FBXO38: variants seen among roughly 807,000 people sequenced by gnomAD.
The protein encoded by FBXO38 is F-box only protein 38.
Under a neutral mutation model 131.9 loss-of-function variants are expected in FBXO38, and 53 were observed. The ratio of observed to expected loss-of-function variants is 0.40; its 90% confidence interval spans 0.32 to 0.51. The LOEUF is 0.51. Among genes scored for constraint, FBXO38 ranks in the 20% least tolerant of loss-of-function variants. The pLI, the probability that FBXO38 is intolerant of heterozygous loss-of-function variation, is 0.53. For missense variants in FBXO38, 1,076 were observed against 1,475.6 expected (o/e 0.73, Z 4.44); for synonymous variants, 452 against 505.6 (o/e 0.89, Z 1.42).
chr5:148,396,277 C>G (rs1230595644), intron 2 of FBXO38, among the ~76,000 whole-genome samples: 1 of 152,012 alleles, frequency 6.6e-6, no homozygotes, highest in Non-Finnish European at 1.5e-5. Flanking sequence ...AAGAGTCTTG[C>G]AACTACCAGA....
In FBXO38 at chr5:148,417,133, C is replaced by A; in HGVS notation, c.1547C>A (p.Pro516Gln). Residue 516 changes from proline to glutamine, a missense_variant, in exon 12 of 22, where the codon CCA becomes CAA. Around this residue, in one of 8 missense-constraint regions of FBXO38, gnomAD observed 212 missense variants for 221.2 expected, o/e 0.96. Coordinates refer to ENST00000340253, the MANE Select transcript of FBXO38 (RefSeq NM_205836.3). ...ATCCACGACAACAATCACCATCATC[C>A]AGATGACTCAGACGAGGAGAATGAC... ...ANIHDNNHHH[P>Q]DDSDEENDFR... The A allele has an allele frequency of 6.2e-7, 1 of 1,613,734 alleles. No homozygotes were observed. Among genetic ancestry groups the A allele is most frequent in the Non-Finnish European group, 8.5e-7 (1 of 1,179,732 alleles).
chr5:148,419,368 T>C (rs1027726629), intron 12 of FBXO38, among the ~76,000 whole-genome samples: 2 of 152,010 alleles, frequency 1.3e-5, no homozygotes, highest in Non-Finnish European at 2.9e-5. Flanking sequence ...CACACACATA[T>C]AAGTTAGATT....
intron 20 of FBXO38, among the ~76,000 whole-genome samples, chr5:148,440,819 G>A (rs1754638261): frequency 6.6e-6 from 1 of 152,162 alleles, no homozygotes; most frequent in East Asian, 1.9e-4. Flanking sequence ...ATGCCTTAGG[G>A]AAGATATGAA....
intron 17 of FBXO38, chr5:148,434,204 C>G (rs994039207): frequency 3.3e-5 from 5 of 151,538 alleles, no homozygotes; most frequent in African/African-American, 1.2e-4. Flanking sequence ...TCTTTTTAGT[C>G]TCATGTCCCT....
At chr5:148,401,850 C>A in intron 3 of FBXO38, 132 bp from the exon 4 acceptor site, 1 of 696,476 alleles carries the variant, frequency 1.4e-6, no homozygotes, top group Non-Finnish European at 2.3e-6. Context: ...TATGTTTATT[C>A]AGCTTTAGTG....
At chr5:148,388,897 G>A (rs1758052164) in intron 1 of FBXO38, among the ~76,000 whole-genome samples, 1 of 152,166 alleles carries the variant, frequency 6.6e-6, no homozygotes, top group Non-Finnish European at 1.5e-5. Flanking sequence ...CCTAGCTTCT[G>A]GTCTGTCTTG....
At position 148,402,336 on chromosome 5, in the gene FBXO38, A is replaced by T; in HGVS notation, c.427-12A>T. The T allele has an allele frequency of 6.3e-7, 1 of 1,585,074 alleles. No individual in the cohort carries two copies. The highest frequency in any genetic ancestry group is 2.3e-5 in the East Asian group (1 of 44,354). On this transcript the variant is annotated splice_polypyrimidine_tract_variant and intron_variant, in intron 4 of 21. Coordinates refer to ENST00000340253, the MANE Select transcript of FBXO38 (RefSeq NM_205836.3). ...AGTCTTTTCTTATGCTTGCTTTGGC[A>T]TTATTTTCTAGGGTGTGGAAACTTC...
intron 19 of FBXO38, 97 bp from the exon 20 acceptor site, chr5:148,440,327 G>C (rs1754603154): frequency 1.4e-6 from 1 of 732,392 alleles, no homozygotes; most frequent in African/African-American, 1.8e-5. Context: ...ATGTTCGGTA[G>C]AATCTGTGTC....
intron 2 of FBXO38, among the ~76,000 whole-genome samples, chr5:148,398,064 A>T (rs17108234): frequency 0.03 from 4,556 of 152,160 alleles, 216 homozygotes; most frequent in African/African-American, 0.1. Flanking sequence ...TAAAGTTAAC[A>T]GCCAGAGAGG....
chr5:148,384,287 GAA>G (rs1757794395), intron 1 of FBXO38, among the ~76,000 whole-genome samples: 1 of 152,188 alleles, frequency 6.6e-6, no homozygotes, highest in African/African-American at 2.4e-5. Context: ...CCAGCATAAA[GAA>G]CTCTCTCTGG....
intron 9 of FBXO38, among the ~76,000 whole-genome samples, chr5:148,411,935 A>G (rs966961009): frequency 6.6e-6 from 1 of 152,098 alleles, no homozygotes; most frequent in African/African-American, 2.4e-5. Flanking sequence ...TCTTTCTATA[A>G]TTTTGTTTTC....
At position 148,397,635 on chromosome 5, in the gene FBXO38, G is replaced by A. The variant is rs964389256; in HGVS notation, c.129-1364G>A. 12 of 152,218 alleles carry A rather than the reference G, an allele frequency of 7.9e-5. No homozygotes were observed. In the East Asian group the frequency reaches 9.7e-4, roughly 12 times the overall value. The allele number at this position is 152,218 out of a possible 1,614,324, so 9.4% of individuals were successfully genotyped here. A position where few individuals can be genotyped will look rare whatever the true frequency, so the allele number is the denominator to read the frequency against. ...ATTTTAAAGGGGTAAGAAGAGGGACGAGAAGTAGAAAAAATAAATGGATCT... is the reference window on the plus strand; with the variant it reads ...ATTTTAAAGGGGTAAGAAGAGGGACAAGAAGTAGAAAAAATAAATGGATCT... On this transcript the variant is annotated intron_variant, in intron 2 of 21. Coordinates refer to ENST00000340253, the MANE Select transcript of FBXO38 (RefSeq NM_205836.3).
intron 15 of FBXO38, among the ~76,000 whole-genome samples, chr5:148,429,100 ACT>A (rs1453641270): frequency 1.3e-5 from 2 of 150,848 alleles, no homozygotes; most frequent in Non-Finnish European, 3.0e-5. Context: ...CTGAACTGAA[ACT>A]CTGTGTCCAT....
At chr5:148,406,999 A>G (rs1199772396) in intron 7 of FBXO38, among the ~76,000 whole-genome samples, 1 of 152,200 alleles carries the variant, frequency 6.6e-6, no homozygotes, top group African/African-American at 2.4e-5. Flanking sequence ...ATAGTTGGAA[A>G]CCAAAAACTT....
Position 148,441,109 on chromosome 5 carries a change from A to T in FBXO38, c.3275-15A>T. On this transcript the variant is annotated splice_polypyrimidine_tract_variant and intron_variant, in intron 20 of 21. Coordinates refer to ENST00000340253, the MANE Select transcript of FBXO38 (RefSeq NM_205836.3). ...CACTCCCACGCCAGTTAGCAATGTT[A>T]CATTTGTCTTTTAGGTGTTGTGGAT... 6.3e-7 allele frequency: 1 copy of T among 1,593,720 alleles called. No individual in the cohort carries two copies. The highest frequency in any genetic ancestry group is 1.3e-5 in the African/African-American group (1 of 74,604).
intron 9 of FBXO38, among the ~76,000 whole-genome samples, chr5:148,413,026 T>C (rs1253194817): frequency 6.6e-6 from 1 of 152,120 alleles, no homozygotes; most frequent in Non-Finnish European, 1.5e-5. Context: ...ATTCAGATAG[T>C]GCCCAGGAAA....
intron 1 of FBXO38, chr5:148,385,146 G>T (rs1427382423): frequency 6.6e-6 from 1 of 152,174 alleles, no homozygotes; most frequent in African/African-American, 2.4e-5. Context: ...AAATCCGCTT[G>T]TAATTTTTAA....
chr5:148,409,229 C>T lies in FBXO38; in HGVS notation c.962+12C>T. The T allele has an allele frequency of 6.6e-7, 1 of 1,521,018 alleles. No homozygotes were observed. The highest frequency in any genetic ancestry group is 9.1e-7 in the Non-Finnish European group (1 of 1,095,526). The allele number at this position is 1,521,018 out of a possible 1,614,324, so 94.2% of individuals were successfully genotyped here. A position where few individuals can be genotyped will look rare whatever the true frequency, so the allele number is the denominator to read the frequency against. Reference sequence around the variant, plus strand: ...ACTGCTGCCCGTAGGTATGTTTCCTCTTTGTATTGTGTCTCTCACTTTAGA... The same window carrying T: ...ACTGCTGCCCGTAGGTATGTTTCCTTTTTGTATTGTGTCTCTCACTTTAGA... On this transcript the variant is annotated intron_variant, in intron 8 of 21. Coordinates refer to ENST00000340253, the MANE Select transcript of FBXO38 (RefSeq NM_205836.3).
intron 9 of FBXO38, 194 bp downstream of exon 9, chr5:148,410,959 A>G (rs960216504): frequency 1.9e-6 from 1 of 535,236 alleles, no homozygotes; most frequent in African/African-American, 2.0e-5. Context: ...CTCTGATTTT[A>G]GCATATTATA....
Sources: allele counts gnomAD v4.1 joint callset (sites outside exome capture counted in the v4.1 genomes callset), GRCh38; gene constraint gnomAD v4.1.1; regional missense constraint gnomAD v4.1.1; transcripts MANE v1.5; gene names NCBI Gene and HGNC (gene_info 2026-07-23, HGNC 2026-07-21).